The following KCNAB2 variants were observed in gnomAD, a reference collection of about 807,000 sequenced individuals.
The protein encoded by KCNAB2 is potassium voltage-gated channel subfamily A regulatory beta subunit 2.
Under a neutral mutation model 63.6 loss-of-function variants are expected in KCNAB2, and 29 were observed. The ratio of observed to expected loss-of-function variants is 0.46; its 90% CI spans 0.34 to 0.62. The LOEUF (loss-of-function observed/expected upper bound fraction) is 0.62, where lower values mean the gene tolerates loss of function less well. KCNAB2 is among the 20% of genes least tolerant of loss of function. KCNAB2 has a pLI of 0.01. For missense variants in KCNAB2, 359 were observed against 563.9 expected (o/e 0.64, Z 3.68); for synonymous variants, 222 against 224.2 (o/e 0.99, Z 0.09).
chr1:6,012,018 G>C (rs1206233860), intron 1 of KCNAB2, among the ~76,000 whole-genome samples: 1 of 152,050 alleles, frequency 6.6e-6, no homozygotes, highest in South Asian at 2.1e-4. Flanking sequence ...GGTGGTAGAG[G>C]TGGAGGTGAT....
At chr1:6,001,040 G>A (rs1024701558) in intron 1 of KCNAB2, among the ~76,000 whole-genome samples, 3 of 152,140 alleles carry the variant, frequency 2.0e-5, no homozygotes, top group African/African-American at 7.2e-5. Context: ...GGAGAGTGGG[G>A]TCCAAAGGCG....
In KCNAB2 at chr1:6,051,692, C is replaced by T; in HGVS notation, c.156C>T (p.Phe52=). The T allele has an allele frequency of 6.5e-7, 1 of 1,533,848 alleles. No individual in the cohort carries two copies. Among genetic ancestry groups the T allele is most frequent in the South Asian group, 1.2e-5 (1 of 83,964 alleles). The part of the protein sequence containing the change: ...AAAQARNMES[F]LRMHGLSLDG... ...CCCAGGCCAGGAACATGGAGAGCTT[C>T]CTCCGCATGCACGGCCTTTCCCTGG... Residue 52 remains phenylalanine (F), a synonymous_variant, in exon 2 of 16, where the codon TTC becomes TTT. Coordinates refer to ENST00000378083, the MANE Select transcript of KCNAB2 (RefSeq NM_001199862.2).
At chr1:6,042,616 G>A (rs2100470262), upstream of KCNAB2, among the ~76,000 whole-genome samples, 1 of 152,282 alleles carries the variant, frequency 6.6e-6, no homozygotes, top group East Asian at 1.9e-4. Flanking sequence ...CCCATGGGCA[G>A]CAGCCTCCCC....
chr1:6,033,270 TGCATGTGC>T (rs1282863888), upstream of KCNAB2, among the ~76,000 whole-genome samples: 3 of 148,798 alleles, frequency 2.0e-5, no homozygotes, highest in Non-Finnish European at 4.5e-5. Context: ...TGTGCCTGTG[TGCATGTGC>T]GTGTGTGGGC....
At chr1:6,051,133 CG>C (rs938598653) in intron 1 of KCNAB2, among the ~76,000 whole-genome samples, 5 of 152,204 alleles carry the variant, frequency 3.3e-5, no homozygotes, top group Non-Finnish European at 7.3e-5. Context: ...GCAGTCACCA[CG>C]GAACAGCAAC....
chr1:6,040,598 G>A lies in KCNAB2; in HGVS notation c.30G>A (p.Pro10=), dbSNP rs563820808. 4.0e-5 allele frequency: 65 copies of A among 1,614,118 alleles called. 1 individual carries two copies. Among genetic ancestry groups the A allele is most frequent in the East Asian group, 6.7e-5 (3 of 44,880 alleles). The change falls in exon 2 of 16, where the codon CCG becomes CCA. Residue 10 remains proline (P), a synonymous_variant. Transcript: ENST00000164247. ...ATCCAGAATCAACGACGGGCTCCCC[G>A]GCTCGGCTCTCGCTGCGGCAGACGG...
rs1557505417 is a variant in KCNAB2, at chr1:6,087,954, GT to G, written c.470+444del. Among the ~76,000 whole-genome samples, 1 of 152,176 alleles carries G rather than the reference GT, an allele frequency of 6.6e-6. No homozygotes were observed. Among genetic ancestry groups the G allele is most frequent in the African/African-American group, 2.4e-5 (1 of 41,430 alleles). ...CCTGGGCCGCCTGTCACCCCTGCAG[GT>G]CTCCAAGTGTCTAGCTCCATAGTTT... On this transcript the variant is annotated intron_variant, in intron 7 of 15. Coordinates refer to ENST00000378083, the MANE Select transcript of KCNAB2 (RefSeq NM_001199862.2). The surrounding 1 kb of genome is among the most constrained non-coding windows in gnomAD (Gnocchi z 6.4).
At chr1:6,063,030 AT>A (rs199732854) in intron 2 of KCNAB2, among the ~76,000 whole-genome samples, 12,731 of 137,586 alleles carry the variant, frequency 0.093, 1,297 homozygotes, top group African/African-American at 0.28. Context: ...GCCTATTTGG[AT>A]TTTTTTTTTT....
At chr1:6,097,483 T>A in intron 15 of KCNAB2, 126 bp downstream of exon 15, 1 of 1,501,350 alleles carries the variant, frequency 6.7e-7, no homozygotes, top group Non-Finnish European at 9.0e-7. Context: ...CCGTGAACCA[T>A]CAGAGTTGTG....
chr1:6,072,813 C>G lies in KCNAB2; in HGVS notation c.262+15C>G. 1 of 1,612,482 alleles carries G rather than the reference C, an allele frequency of 6.2e-7. No homozygotes were observed. The highest frequency in any genetic ancestry group is 2.2e-5 in the East Asian group (1 of 44,864). On this transcript the variant is annotated intron_variant, in intron 3 of 15. Transcript: ENST00000378083. Reference sequence around the variant, plus strand: ...CCTGGGACTTGGTGAGTGTGGGGGTCCCCTCCGTCCCACCAGGGAAACAGG... The same window carrying G: ...CCTGGGACTTGGTGAGTGTGGGGGTGCCCTCCGTCCCACCAGGGAAACAGG...
chr1:5,999,209 G>A (rs990410491), intron 1 of KCNAB2, among the ~76,000 whole-genome samples: 1 of 152,246 alleles, frequency 6.6e-6, no homozygotes, highest in African/African-American at 2.4e-5. Flanking sequence ...TACGTTCTGT[G>A]TAAGAATTGT....
chr1:6,067,341 G>A (rs1484059896), intron 2 of KCNAB2, among the ~76,000 whole-genome samples: 2 of 152,202 alleles, frequency 1.3e-5, no homozygotes, highest in South Asian at 4.1e-4. Flanking sequence ...CAGGCCACCA[G>A]CCTCAGAAAC....
chr1:6,020,952 C>T (rs1658784253), intron 1 of KCNAB2, among the ~76,000 whole-genome samples: 1 of 152,056 alleles, frequency 6.6e-6, no homozygotes. Flanking sequence ...GTAATCCCAC[C>T]TGTAAACCTG....
upstream of KCNAB2, among the ~76,000 whole-genome samples, chr1:6,032,726 C>T (rs992368880): frequency 9.9e-5 from 15 of 152,184 alleles, no homozygotes; most frequent in African/African-American, 3.1e-4. Context: ...GTCTTGCCCT[C>T]GATGGGCAAA....
At position 6,094,756 on chromosome 1, in the gene KCNAB2, A is replaced by G. The variant is rs141280933; in HGVS notation, c.732+271A>G. On this transcript the variant is annotated intron_variant, in intron 11 of 15. Transcript: ENST00000378083. ...TCCCCACCTGTAGAACACATCTGCT[A>G]GGTGAGCCCCCATGGGGCCATTCTA... Among the ~76,000 whole-genome samples, 724 of 152,346 alleles carry G rather than the reference A, an allele frequency of 4.8e-3. 12 individuals are homozygous for G. Among genetic ancestry groups the G allele is most frequent in the African/African-American group, 0.017 (692 of 41,590 alleles).
intron 4 of KCNAB2, among the ~76,000 whole-genome samples, chr1:6,075,963 A>G (rs565130241): frequency 3.1e-4 from 47 of 152,270 alleles, no homozygotes; most frequent in Non-Finnish European, 5.9e-4. Flanking sequence ...AAGTTTTATT[A>G]GGACATAGCC....
At chr1:6,027,269 T>A (rs1325754641) in intron 1 of KCNAB2, 1 of 91,850 alleles carries the variant, frequency 1.1e-5, no homozygotes, top group Non-Finnish European at 2.3e-5. Context: ...TGTGTGTGTG[T>A]GTGTGGACGG....
intron 2 of KCNAB2, chr1:6,040,735 G>A: frequency 2.5e-6 from 2 of 804,604 alleles, no homozygotes; most frequent in Non-Finnish European, 4.2e-6. Context: ...CCCCTCTGGA[G>A]GTGGAAGGGC....
intron 4 of KCNAB2, among the ~76,000 whole-genome samples, chr1:6,081,820 A>G (rs1419235226): frequency 6.6e-6 from 1 of 152,210 alleles, no homozygotes; most frequent in Non-Finnish European, 1.5e-5. Context: ...AGAAGGCCCT[A>G]TTCCCAAATG....
Sources: gnomAD v4.1 joint callset for allele counts (sites outside exome capture counted in the v4.1 genomes callset) on GRCh38, gnomAD v4.1.1 for gene constraint, Gnocchi (gnomAD v3.1) non-coding constraint, MANE v1.5 for transcripts, NCBI Gene and HGNC (gene_info 2026-07-23, HGNC 2026-07-21) for gene names.